The following PPHLN1 variants were observed in gnomAD, a reference collection of about 807,000 sequenced individuals.
PPHLN1 encodes the protein periphilin 1.
PPHLN1 carries 29 observed loss-of-function variants against 51.3 expected under a neutral mutation model. The observed-to-expected ratio is 0.57, with a 90% CI of 0.42 to 0.77. The LOEUF (loss-of-function observed/expected upper bound fraction) is 0.77. Ranked by LOEUF, PPHLN1 falls within the 30% of genes least tolerant of loss-of-function variation. PPHLN1 has a pLI of 0.00. For synonymous variants in PPHLN1, 147 were observed against 147.8 expected, an observed-to-expected ratio of 0.99 and a Z score of 0.04; for missense variants, 436 against 438.4, an observed-to-expected ratio of 0.99 and a Z score of 0.05.
At chr12:42,447,533 C>G (rs2083368782), downstream of PPHLN1, 1 of 152,240 alleles carries the variant, frequency 6.6e-6, no homozygotes, top group Non-Finnish European at 1.5e-5. Context: ...GAATTCCACT[C>G]ACTTCCTGGT....
chr12:42,420,669 GCCCTCCCCTC>G (rs1183717538), intron 9 of PPHLN1, among the ~76,000 whole-genome samples: 1,432 of 23,402 alleles, frequency 0.061, 61 homozygotes, highest in African/African-American at 0.18. Context: ...CTTCCCTCCC[GCCCTCCCCTC>G]CCCTCCCCTC....
chr12:42,378,902 T>C (rs1464091654), intron 5 of PPHLN1, among the ~76,000 whole-genome samples: 1 of 152,144 alleles, frequency 6.6e-6, no homozygotes, highest in Non-Finnish European at 1.5e-5. Context: ...TATGCAATAT[T>C]ATTTTTAGTT....
At chr12:42,366,344 C>T (rs981428728) in intron 4 of PPHLN1, among the ~76,000 whole-genome samples, 2 of 151,084 alleles carry the variant, frequency 1.3e-5, no homozygotes, top group East Asian at 3.9e-4. Flanking sequence ...TCTCTTGCCT[C>T]AGCCTCCTGA....
At chr12:42,347,172 T>A (rs184849318) in intron 2 of PPHLN1, 1 of 152,380 alleles carries the variant, frequency 6.6e-6, no homozygotes, top group African/African-American at 2.4e-5. Flanking sequence ...AGTGTAATGC[T>A]TGCCTAGGTA....
At chr12:42,355,136 G>C in intron 3 of PPHLN1, 25 bp from the exon 4 acceptor site, 1 of 1,609,624 alleles carries the variant, frequency 6.2e-7, no homozygotes, top group Non-Finnish European at 8.5e-7. Flanking sequence ...TAAACAAATA[G>C]CTAAGTAGCT....
At chr12:42,400,757 GTCTCTCTCTCTCTCTCTTTC>G (rs2078748604) in intron 9 of PPHLN1, among the ~76,000 whole-genome samples, 2 of 140,588 alleles carry the variant, frequency 1.4e-5, no homozygotes, top group Admixed American at 1.4e-4. Flanking sequence ...GCGAGACCCT[GTCTCTCTCTCTCTCTCTTTC>G]TCTCTCTCTC....
At chr12:42,388,196 G>A (rs1305827870) in intron 7 of PPHLN1, among the ~76,000 whole-genome samples, 1 of 152,152 alleles carries the variant, frequency 6.6e-6, no homozygotes, top group African/African-American at 2.4e-5. Context: ...TTGAGATAGT[G>A]GAAGGCTACT....
At chr12:42,433,057 G>A (rs892588930) in intron 9 of PPHLN1, 11 of 880,878 alleles carry the variant, frequency 1.2e-5, no homozygotes, top group Admixed American at 5.2e-5. Flanking sequence ...ATTTAAAGAC[G>A]GTATTTTTTT....
At chr12:42,439,631 C>T (rs79563667) in intron 9 of PPHLN1, among the ~76,000 whole-genome samples, 11,664 of 152,192 alleles carry the variant, frequency 0.077, 503 homozygotes, top group East Asian at 0.15. Context: ...CTCCTGCCTC[C>T]GCCTCCTGAG....
chr12:42,354,046 GC>G (rs2073742342), intron 3 of PPHLN1, among the ~76,000 whole-genome samples: 1 of 151,932 alleles, frequency 6.6e-6, no homozygotes, highest in South Asian at 2.1e-4. Flanking sequence ...TATTTTATTA[GC>G]ACTGTTAAGT....
chr12:42,386,568 G>A (rs1592624503), intron 6 of PPHLN1, among the ~76,000 whole-genome samples: 1 of 152,048 alleles, frequency 6.6e-6, no homozygotes, highest in Non-Finnish European at 1.5e-5. Flanking sequence ...GTCCAGTCTC[G>A]ACCAGCTTCT....
chr12:42,335,803 G>C (rs747007457), intron 1 of PPHLN1, 80 bp from the exon 2 acceptor site: 1 of 596,560 alleles, frequency 1.7e-6, no homozygotes. Context: ...TATTTGTGTT[G>C]GAAAGTAATC....
intron 4 of PPHLN1, among the ~76,000 whole-genome samples, chr12:42,367,226 T>C (rs1565843439): frequency 1.3e-5 from 2 of 152,162 alleles, no homozygotes; most frequent in Non-Finnish European, 2.9e-5. Flanking sequence ...TAATTTTCCT[T>C]CCAACACTAA....
At chr12:42,425,038 T>TTATGTATGTATATATGTATG (rs1555219786) in intron 9 of PPHLN1, among the ~76,000 whole-genome samples, 29 of 136,964 alleles carry the variant, frequency 2.1e-4, no homozygotes, top group African/African-American at 5.6e-4. Context: ...TTATTTTATT[T>TTATGTATGTATATATGTATG]TATGTATGTA....
At chr12:42,327,983 C>T (rs2069067540) in intron 1 of PPHLN1, among the ~76,000 whole-genome samples, 1 of 151,800 alleles carries the variant, frequency 6.6e-6, no homozygotes, top group Non-Finnish European at 1.5e-5. Flanking sequence ...TAAAAAGCAT[C>T]CTCTCCCAGT....
Position 42,441,338 on chromosome 12 carries a change from T to C in PPHLN1, c.933T>C (p.Thr311=). Reference sequence around the variant, plus strand: ...AGGTTTACCGACAAGACTGTGAAACTTTCGGGATGGTGGTGAAAATGCTGA... The same window carrying C: ...AGGTTTACCGACAAGACTGTGAAACCTTCGGGATGGTGGTGAAAATGCTGA... ...IEQVYRQDCE[T]FGMVVKMLIE... Residue 311 remains threonine, a synonymous_variant, in exon 10 of 10, where the codon ACT becomes ACC. Transcript: ENST00000358314. The C allele has an allele frequency of 6.2e-7, 1 of 1,612,852 alleles. No individual in the cohort carries two copies. The highest frequency in any genetic ancestry group is 1.1e-5 in the South Asian group (1 of 90,838).
intron 9 of PPHLN1, among the ~76,000 whole-genome samples, chr12:42,425,149 C>T (rs541836093): frequency 6.6e-6 from 1 of 151,964 alleles, no homozygotes; most frequent in South Asian, 2.1e-4. Flanking sequence ...GGCGCGATCT[C>T]GGCTCACTGC....
At chr12:42,444,980 A>G, downstream of PPHLN1, 2 of 691,136 alleles carry the variant, frequency 2.9e-6, no homozygotes, top group South Asian at 3.0e-5. Context: ...TATTGGCCCT[A>G]GAAACTTTTT....
intron 4 of PPHLN1, among the ~76,000 whole-genome samples, chr12:42,365,379 G>A (rs1316527256): frequency 6.6e-6 from 1 of 152,160 alleles, no homozygotes; most frequent in Admixed American, 6.5e-5. Flanking sequence ...ATGAGGTTCA[G>A]AATAAGAAGT....
Sources: gnomAD v4.1 joint callset for allele counts (sites outside exome capture counted in the v4.1 genomes callset) on GRCh38, gnomAD v4.1.1 for gene constraint, MANE v1.5 for transcripts, NCBI Gene and HGNC (gene_info 2026-07-23, HGNC 2026-07-21) for gene names.